Variants in PDE4B observed in about 807,000 individuals in gnomAD.
PDE4B encodes the protein 3',5'-cyclic-AMP phosphodiesterase 4B.
A neutral mutation model predicts 82.2 loss-of-function variants in PDE4B; 20 were observed. The ratio of observed to expected loss-of-function variants is 0.24; its 90% CI spans 0.17 to 0.35. The LOEUF is 0.35. PDE4B is among the 10% of genes least tolerant of loss of function. PDE4B has a pLI of 1.00. For missense variants in PDE4B, 655 were observed against 907.2 expected (o/e 0.72, Z 3.57); for synonymous variants, 320 against 318.9 (o/e 1.00, Z -0.04).
chr1:66,116,869 T>C (rs1645606337), intron 3 of PDE4B, among the ~76,000 whole-genome samples: 1 of 152,118 alleles, frequency 6.6e-6, no homozygotes, highest in Non-Finnish European at 1.5e-5. Context: ...CTGGCATATA[T>C]AAAGACTTCT....
chr1:66,096,527 T>TA (rs1557557995), intron 3 of PDE4B, among the ~76,000 whole-genome samples: 2 of 142,044 alleles, frequency 1.4e-5, no homozygotes, highest in African/African-American at 5.2e-5. Context: ...TATATATATA[T>TA]ATATATATAT....
At chr1:66,192,500 A>G (rs1310859458) in intron 3 of PDE4B, among the ~76,000 whole-genome samples, 2 of 152,006 alleles carry the variant, frequency 1.3e-5, no homozygotes, top group Non-Finnish European at 2.9e-5. Flanking sequence ...TTACCTATTT[A>G]TATGATTCTT....
At chr1:66,369,615 T>C (rs1309389903) in intron 16 of PDE4B, among the ~76,000 whole-genome samples, 4 of 152,166 alleles carry the variant, frequency 2.6e-5, no homozygotes, top group African/African-American at 9.7e-5. Context: ...TCAGTATCCA[T>C]ACAAAGATTT....
At chr1:66,299,028 A>C (rs1376156237) in intron 7 of PDE4B, among the ~76,000 whole-genome samples, 1 of 152,170 alleles carries the variant, frequency 6.6e-6, no homozygotes, top group Non-Finnish European at 1.5e-5. Context: ...ATCAAATCAG[A>C]GTAATTAGCA....
At chr1:65,931,451 A>T (rs1647828082) in intron 3 of PDE4B, among the ~76,000 whole-genome samples, 1 of 152,224 alleles carries the variant, frequency 6.6e-6, no homozygotes, top group Non-Finnish European at 1.5e-5. Context: ...AACAAACAAG[A>T]AACACCTCTC....
At chr1:65,935,349 A>G (rs1382295126) in intron 3 of PDE4B, among the ~76,000 whole-genome samples, 1 of 151,696 alleles carries the variant, frequency 6.6e-6, no homozygotes, top group Non-Finnish European at 1.5e-5. Flanking sequence ...ACATACCAAA[A>G]CTTATGGGAT....
intron 3 of PDE4B, among the ~76,000 whole-genome samples, chr1:65,979,326 C>T (rs1650568160): frequency 6.6e-6 from 1 of 152,220 alleles, no homozygotes; most frequent in African/African-American, 2.4e-5. Flanking sequence ...CTCTGTGAAT[C>T]ATTCCTTGGT....
intron 3 of PDE4B, among the ~76,000 whole-genome samples, chr1:66,118,530 T>C (rs1026289225): frequency 6.6e-6 from 1 of 151,684 alleles, no homozygotes; most frequent in African/African-American, 2.4e-5. Context: ...ATGAGAACAC[T>C]TGGACACAGG....
chr1:66,025,464 A>G (rs1653384249), intron 3 of PDE4B, among the ~76,000 whole-genome samples: 1 of 152,190 alleles, frequency 6.6e-6, no homozygotes, highest in Admixed American at 6.5e-5. Context: ...CTCATTAAAA[A>G]TAAATATTTT....
intron 3 of PDE4B, among the ~76,000 whole-genome samples, chr1:66,170,661 T>C (rs1041021502): frequency 2.6e-5 from 4 of 152,198 alleles, no homozygotes; most frequent in African/African-American, 9.6e-5. Flanking sequence ...ATGTCTTTTA[T>C]CCTCTTTTTA....
chr1:65,920,906 A>C (rs1345276961), intron 3 of PDE4B, among the ~76,000 whole-genome samples: 1 of 150,420 alleles, frequency 6.6e-6, no homozygotes, highest in African/African-American at 2.4e-5. Flanking sequence ...ATGAGAATAG[A>C]GTATGCAGAT....
intron 2 of PDE4B, among the ~76,000 whole-genome samples, chr1:65,915,782 A>G (rs1647153110): frequency 6.6e-6 from 1 of 152,194 alleles, no homozygotes; most frequent in African/African-American, 2.4e-5. Flanking sequence ...TTTTATTGGC[A>G]AGAATACTGA....
intron 1 of PDE4B, among the ~76,000 whole-genome samples, chr1:65,839,168 C>T (rs2101335712): frequency 6.6e-6 from 1 of 152,084 alleles, no homozygotes; most frequent in East Asian, 1.9e-4. Context: ...TATTTACCTC[C>T]AGCTTTCCAA....
chr1:65,905,604 T>G (rs1370002417), intron 1 of PDE4B, among the ~76,000 whole-genome samples: 1 of 152,060 alleles, frequency 6.6e-6, no homozygotes, highest in East Asian at 1.9e-4. Context: ...TATAAGGAAT[T>G]TTGCATTTTT....
At chr1:66,186,516 A>C (rs916845949) in intron 3 of PDE4B, among the ~76,000 whole-genome samples, 2 of 152,128 alleles carry the variant, frequency 1.3e-5, no homozygotes, top group African/African-American at 4.8e-5. Flanking sequence ...TTCATTGAGC[A>C]GTGGTTTGTA....
intron 3 of PDE4B, among the ~76,000 whole-genome samples, chr1:66,080,206 T>C (rs7548408): frequency 0.46 from 69,976 of 151,932 alleles, 16,632 homozygotes; most frequent in Non-Finnish European, 0.52. Flanking sequence ...GCATTTTCCA[T>C]TCCCAAGTGA....
chr1:66,319,861 T>C (rs1038001863), intron 7 of PDE4B, among the ~76,000 whole-genome samples: 1 of 152,214 alleles, frequency 6.6e-6, no homozygotes, highest in Non-Finnish European at 1.5e-5. Context: ...TATTCTTCCA[T>C]TGAGCAGTTT....
chr1:66,294,890 C>T (rs1232549395), intron 7 of PDE4B, among the ~76,000 whole-genome samples: 1 of 152,120 alleles, frequency 6.6e-6, no homozygotes, highest in Non-Finnish European at 1.5e-5. Context: ...TGTTTCATGA[C>T]TCATGCCTGG....
chr1:66,034,791 C>T (rs1653978835), intron 3 of PDE4B, among the ~76,000 whole-genome samples: 1 of 152,174 alleles, frequency 6.6e-6, no homozygotes, highest in Admixed American at 6.5e-5. Flanking sequence ...CTTTATTTGG[C>T]TCTGTCTGCC....
Sources: gnomAD v4.1 joint callset for allele counts (sites outside exome capture counted in the v4.1 genomes callset) on GRCh38, gnomAD v4.1.1 for gene constraint, MANE v1.5 for transcripts, NCBI Gene and HGNC (gene_info 2026-07-23, HGNC 2026-07-21) for gene names.